RIC1: variants seen among roughly 807,000 people sequenced by gnomAD.
The protein encoded by RIC1 is guanine nucleotide exchange factor subunit RIC1.
Under a neutral mutation model 169.0 loss-of-function variants are expected in RIC1, and 88 were observed. The observed-to-expected ratio is 0.52, with a 90% CI of 0.44 to 0.62. The LOEUF (loss-of-function observed/expected upper bound fraction) is 0.62, where lower values mean the gene tolerates loss of function less well. RIC1 is among the 20% of genes least tolerant of loss of function. RIC1 has a pLI of 0.00. For synonymous variants in RIC1, 790 were observed against 601.5 expected (o/e 1.31, Z -4.59); for missense variants, 1,877 against 1,725.5 (o/e 1.09, Z -1.56).
chr9:5,768,805 G>T (rs1030128260), intron 21 of RIC1, among the ~76,000 whole-genome samples, 165 bp from the exon 22 acceptor site: 12 of 152,160 alleles, frequency 7.9e-5, no homozygotes, highest in African/African-American at 2.9e-4. Flanking sequence ...GAGGGTTGTG[G>T]TGTAACACGG....
At chr9:5,647,306 C>T (rs1818564715) in intron 1 of RIC1, among the ~76,000 whole-genome samples, 1 of 152,080 alleles carries the variant, frequency 6.6e-6, no homozygotes, top group Admixed American at 6.6e-5. Context: ...TCTTGGGAAT[C>T]CATATGAATT....
intron 4 of RIC1, among the ~76,000 whole-genome samples, chr9:5,715,296 C>G (rs1050271657): frequency 1.3e-5 from 2 of 152,118 alleles, no homozygotes; most frequent in South Asian, 4.2e-4. Flanking sequence ...CTACCTCCAC[C>G]TGGTGGGAAA....
At chr9:5,718,883 C>G (rs1435489428) in intron 4 of RIC1, 1 of 152,034 alleles carries the variant, frequency 6.6e-6, no homozygotes, top group Middle Eastern at 3.2e-3. Context: ...ACAGCAAATT[C>G]TACATTAGCT....
rs1824436382 is a variant in RIC1, at chr9:5,732,565, CATACTT to C, written c.812+90_812+95del. ...TTTTGTAAACATAAGATGTTCCTAA[CATACTT>C]ATAAACTGCATCATGCTATCATAAT... On this transcript the variant is annotated intron_variant, in intron 7 of 25. Coordinates refer to ENST00000414202, the MANE Select transcript of RIC1 (RefSeq NM_020829.4). 3.8e-6 allele frequency: 3 copies of C among 786,910 alleles called. No individual in the cohort carries two copies. The African/African-American group carries it at 5.3e-5, about 14-fold the overall frequency. 48.7% of individuals were successfully genotyped at this position (786,910 alleles called of 1,614,324 possible).
intron 7 of RIC1, among the ~76,000 whole-genome samples, chr9:5,737,150 C>A (rs1824764842): frequency 6.6e-6 from 1 of 152,100 alleles, no homozygotes; most frequent in Non-Finnish European, 1.5e-5. Flanking sequence ...GCTGAATGTG[C>A]ATTAAATTTT....
In RIC1 at chr9:5,680,815, A is replaced by ATTTTTTTTT. The variant is rs66478510; in HGVS notation, c.253-9123_253-9115dup. On this transcript the variant is annotated intron_variant, in intron 2 of 25. Coordinates refer to ENST00000414202, the MANE Select transcript of RIC1 (RefSeq NM_020829.4). ...AGAACACCAGCTCCTGCAGTCATTG[A>ATTTTTTTTT]TTTTTTTTTTTTTTTTTTTTTTTTT... 1.0e-3 allele frequency among the ~76,000 whole-genome samples: 60 copies of ATTTTTTTTT among 57,762 alleles called. 10 individuals are homozygous for ATTTTTTTTT. The highest frequency in any genetic ancestry group is 3.0e-3 in the South Asian group (3 of 1,010). 37.9% of individuals were successfully genotyped at this position (57,762 alleles called of 152,430 possible). A position where few individuals can be genotyped will look rare whatever the true frequency, so the allele number is the denominator to read the frequency against.
rs1827298127 is a variant in RIC1, at chr9:5,772,638, G to C, written c.3691G>C (p.Val1231Leu). 5 of 1,613,982 alleles carry C rather than the reference G, an allele frequency of 3.1e-6. No individual in the cohort carries two copies. The African/African-American group carries it at 6.7e-5, about 22-fold the overall frequency. The change falls in exon 24 of 26, where the codon GTG becomes CTG. Residue 1231 changes from valine to leucine, a missense_variant. Transcript: ENST00000414202. ...SSMVDGDWTM[V>L]DENFSTLSLT... ...CATGGTGGATGGCGACTGGACAATGGTGGATGAAAATTTCTCTACACTCAG... is the reference window on the plus strand; with the variant it reads ...CATGGTGGATGGCGACTGGACAATGCTGGATGAAAATTTCTCTACACTCAG...
intron 12 of RIC1, among the ~76,000 whole-genome samples, chr9:5,749,898 C>G (rs1176291793): frequency 3.3e-5 from 5 of 150,786 alleles, no homozygotes; most frequent in African/African-American, 1.2e-4. Flanking sequence ...GCTGTCTCAG[C>G]CTCCCAAGTA....
In RIC1 at chr9:5,774,832, C is replaced by T. The variant is rs999869210; in HGVS notation, c.*586C>T. 6.6e-6 allele frequency: 1 copy of T among 152,238 alleles called. No homozygotes were observed. Among genetic ancestry groups the T allele is most frequent in the Non-Finnish European group, 1.5e-5 (1 of 68,072 alleles). 9.4% of individuals were successfully genotyped at this position (152,238 alleles called of 1,614,324 possible). Reference sequence around the variant, plus strand: ...GTCCAGAATTGATGGAAGCTATTTACCTGTGAGTTAATGTGCTTGTTTTAG... The same window carrying T: ...GTCCAGAATTGATGGAAGCTATTTATCTGTGAGTTAATGTGCTTGTTTTAG... On this transcript the variant is annotated 3_prime_UTR_variant, in exon 26 of 26. Coordinates refer to ENST00000414202, the MANE Select transcript of RIC1 (RefSeq NM_020829.4).
intron 1 of RIC1, among the ~76,000 whole-genome samples, chr9:5,643,151 A>T (rs1291377446): frequency 6.6e-6 from 1 of 152,108 alleles, no homozygotes; most frequent in African/African-American, 2.4e-5. Context: ...AAATAAAAAT[A>T]AAAAAATCAG....
chr9:5,717,826 G>C (rs1052246242), intron 4 of RIC1, among the ~76,000 whole-genome samples: 2 of 149,810 alleles, frequency 1.3e-5, no homozygotes, highest in Non-Finnish European at 3.0e-5. Context: ...AGCAGAGTAA[G>C]AGACTGTTTA....
chr9:5,708,849 TC>T (rs1456385080), intron 3 of RIC1, among the ~76,000 whole-genome samples: 1 of 152,168 alleles, frequency 6.6e-6, no homozygotes, highest in African/African-American at 2.4e-5. Flanking sequence ...CCTTTGGACT[TC>T]CATCATACAG....
intron 6 of RIC1, among the ~76,000 whole-genome samples, chr9:5,729,740 C>T (rs890293123): frequency 6.6e-6 from 1 of 151,856 alleles, no homozygotes; most frequent in Non-Finnish European, 1.5e-5. Context: ...TACTATCTTC[C>T]GTTATCAACT....
chr9:5,655,679 C>T (rs1819055584), intron 1 of RIC1, among the ~76,000 whole-genome samples: 1 of 152,122 alleles, frequency 6.6e-6, no homozygotes, highest in Non-Finnish European at 1.5e-5. Flanking sequence ...TGTGATTTTT[C>T]TGTAGCCTGT....
At chr9:5,656,394 CAGGCGT>C (rs1819100037) in intron 1 of RIC1, among the ~76,000 whole-genome samples, 183 bp from the exon 2 acceptor site, 1 of 152,054 alleles carries the variant, frequency 6.6e-6, no homozygotes, top group South Asian at 2.1e-4. Flanking sequence ...TTTAATAATA[CAGGCGT>C]AGGTTTAGGT....
chr9:5,765,890 C>CTA (rs1554614251), intron 21 of RIC1, 92 bp downstream of exon 21: 1 of 1,442,276 alleles, frequency 6.9e-7, no homozygotes, highest in Non-Finnish European at 9.5e-7. Flanking sequence ...ATGGAAACAA[C>CTA]TATTTAATCC....
At chr9:5,652,812 C>T (rs988555403) in intron 1 of RIC1, among the ~76,000 whole-genome samples, 1 of 151,846 alleles carries the variant, frequency 6.6e-6, no homozygotes, top group African/African-American at 2.4e-5. Flanking sequence ...TCAACTTTTC[C>T]TTATTCAGTA....
At chr9:5,752,733 G>C (rs1033118808) in intron 12 of RIC1, among the ~76,000 whole-genome samples, 6 of 152,104 alleles carry the variant, frequency 3.9e-5, no homozygotes, top group African/African-American at 1.4e-4. Context: ...ACCACACCTG[G>C]CCTAAGCATT....
At chr9:5,706,925 C>A (rs939692263) in intron 3 of RIC1, among the ~76,000 whole-genome samples, 2 of 152,116 alleles carry the variant, frequency 1.3e-5, no homozygotes, top group African/African-American at 4.8e-5. Flanking sequence ...TCATGTATAG[C>A]CACTCTAATT....
Sources: allele counts gnomAD v4.1 joint callset (sites outside exome capture counted in the v4.1 genomes callset), GRCh38; gene constraint gnomAD v4.1.1; transcripts MANE v1.5; gene names NCBI Gene and HGNC (gene_info 2026-07-23, HGNC 2026-07-21).